Variants in PSG3 observed in about 807,000 individuals in gnomAD.
PSG3 encodes the protein pregnancy specific beta-1-glycoprotein 3.
A neutral mutation model predicts 47.5 loss-of-function variants in PSG3; 61 were observed. The observed-to-expected ratio is 1.28, with a 90% CI of 1.05 to 1.59. The LOEUF (loss-of-function observed/expected upper bound fraction) is 1.59, where lower values mean the gene tolerates loss of function less well. Among genes scored for constraint, PSG3 ranks in the 40% most tolerant of loss-of-function variants. The pLI, the probability that PSG3 is intolerant of heterozygous loss-of-function variation, is 0.00. For missense variants in PSG3, 756 were observed against 524.0 expected (o/e 1.44, Z -4.32); for synonymous variants, 263 against 198.4 (o/e 1.33, Z -2.74).
At position 42,738,275 on chromosome 19, in the gene PSG3, A is replaced by C. The variant is rs562543333; in HGVS notation, c.430+449T>G. Among the ~76,000 whole-genome samples, 3 of 152,290 alleles carry C rather than the reference A, an allele frequency of 2.0e-5. No individual in the cohort carries two copies. The South Asian group carries it at 6.2e-4, about 32-fold the overall frequency. On this transcript the variant is annotated intron_variant, in intron 2 of 6. Coordinates refer to ENST00000327495, the MANE Select transcript of PSG3 (RefSeq NM_021016.4). ...AGTAAGCCCTGCCCAAGAAGCGACA[A>C]CCCAGCCCCAGTACAGGCTCCTCAG...
intron 2 of PSG3, 72 bp from the exon 3 acceptor site, chr19:42,733,134 A>C: frequency 6.4e-7 from 1 of 1,559,700 alleles, no homozygotes; most frequent in Non-Finnish European, 8.7e-7. Flanking sequence ...TTTCAATCAG[A>C]GTTGGCATTT....
intron 1 of PSG3, 61 bp downstream of exon 1, chr19:42,740,260 A>C: frequency 1.2e-6 from 2 of 1,613,488 alleles, no homozygotes; most frequent in Non-Finnish European, 1.7e-6. Flanking sequence ...TCTCTCCAGG[A>C]GACCCCATCC....
Position 42,730,056 on chromosome 19 carries a change from G to A in PSG3, c.710C>T (p.Pro237Leu), listed in dbSNP as rs750000168. The A allele has an allele frequency of 1.9e-5, 31 of 1,611,572 alleles. No individual in the cohort carries two copies. The highest frequency in any genetic ancestry group is 2.2e-5 in the East Asian group (1 of 44,872). ...GGTGATGTAGGGCTTGGGCAGCTTC[G>A]CTGTGTGGATAACAGAGAGAAGATT... The part of the protein sequence containing the change: ...RSDPVTLNLL[P>L]KLPKPYITIN... Residue 237 changes from proline to leucine, a missense_variant and splice_region_variant, in exon 4 of 7, where the codon CCG becomes CTG. Physicochemically the swap from Pro to Leu is moderately conservative, Grantham distance 98. Transcript: ENST00000327495.
intron 5 of PSG3, among the ~76,000 whole-genome samples, chr19:42,727,864 C>A (rs1419153993): frequency 1.3e-5 from 2 of 152,104 alleles, no homozygotes; most frequent in Non-Finnish European, 2.9e-5. Flanking sequence ...AAAATGGAAA[C>A]AACTGAAAAG....
chr19:42,737,533 A>G (rs1969585948), intron 2 of PSG3, among the ~76,000 whole-genome samples: 1 of 152,110 alleles, frequency 6.6e-6, no homozygotes. Context: ...GGAGGCCTGG[A>G]CATGTTTTTT....
In PSG3 at chr19:42,729,766, A is replaced by T. The variant is rs1318576874; in HGVS notation, c.988+12T>A. On this transcript the variant is annotated intron_variant, in intron 4 of 6. Coordinates refer to ENST00000327495, the MANE Select transcript of PSG3 (RefSeq NM_021016.4). ...TGGTGTCCTGGCCCACAGAGGAACAAAAGATACTCACAGAGGACATTCAGG... is the reference window on the plus strand; with the variant it reads ...TGGTGTCCTGGCCCACAGAGGAACATAAGATACTCACAGAGGACATTCAGG... 6 of 1,611,980 alleles carry T rather than the reference A, an allele frequency of 3.7e-6. No homozygotes were observed. Among genetic ancestry groups the T allele is most frequent in the Non-Finnish European group, 5.1e-6 (6 of 1,178,992 alleles).
At chr19:42,724,133 G>A in intron 5 of PSG3, 108 bp from the exon 6 acceptor site, 1 of 1,447,674 alleles carries the variant, frequency 6.9e-7, no homozygotes, top group Non-Finnish European at 9.4e-7. Context: ...GTTTCTTCAA[G>A]GACTACGTTA....
intron 2 of PSG3, among the ~76,000 whole-genome samples, chr19:42,737,770 T>A (rs1426353722): frequency 6.6e-6 from 1 of 152,134 alleles, no homozygotes; most frequent in Non-Finnish European, 1.5e-5. Context: ...CCCCTTTGTG[T>A]TTGTGTGACT....
intron 2 of PSG3, among the ~76,000 whole-genome samples, chr19:42,737,504 G>A (rs912163732): frequency 2.0e-5 from 3 of 151,976 alleles, no homozygotes; most frequent in Non-Finnish European, 4.4e-5. Flanking sequence ...GTTCAGTGAT[G>A]GTGGTTAAGA....
intron 3 of PSG3, among the ~76,000 whole-genome samples, chr19:42,731,382 AG>A (rs1253901203): frequency 6.6e-6 from 1 of 152,216 alleles, no homozygotes; most frequent in Non-Finnish European, 1.5e-5. Context: ...AGTAGGCAAA[AG>A]TGGGAGGTGA....
intron 3 of PSG3, chr19:42,732,558 A>C (rs1458391856): frequency 1.8e-6 from 2 of 1,086,836 alleles, no homozygotes; most frequent in East Asian, 5.1e-5. Context: ...TGCCCATCAC[A>C]AGCTGTGGAC....
Position 42,738,884 on chromosome 19 carries a change from T to A in PSG3, c.270A>T (p.Ile90=), listed in dbSNP as rs771570726. 6.2e-7 allele frequency: 1 copy of A among 1,614,102 alleles called. No homozygotes were observed. Among genetic ancestry groups the A allele is most frequent in the Non-Finnish European group, 8.5e-7 (1 of 1,179,990 alleles). Residue 90 remains isoleucine (I), a synonymous_variant, in exon 2 of 7, where the codon ATA becomes ATT. Transcript: ENST00000327495. ...TSYVVDGQII[I]YGPAYSGRET... ...CTCGTCCACTGTATGCAGGCCCATA[T>A]ATAATTATTTGACCATCTACTACGT...
rs567188908 is a variant in PSG3 at position 42,738,646 on chromosome 19, A to G, written c.430+78T>C. ...TAATGCAGAGAGGGACACAGGCACA[A>G]TCCAGGCCTGACAATCCTTTGTGTG... On this transcript the variant is annotated intron_variant, in intron 2 of 6. Transcript: ENST00000327495. The G allele has an allele frequency of 8.1e-6, 13 of 1,610,872 alleles. No homozygotes were observed. The Admixed American group carries it at 1.7e-4, about 21-fold the overall frequency.
chr19:42,740,268 T>A (rs1399661461), intron 1 of PSG3, 53 bp downstream of exon 1: 2 of 1,613,552 alleles, frequency 1.2e-6, no homozygotes, highest in African/African-American at 1.3e-5. Flanking sequence ...GGAGACCCCA[T>A]CCAGTCACTC....
chr19:42,740,300 C>T (rs753274388), intron 1 of PSG3, 21 bp downstream of exon 1: 7 of 1,613,878 alleles, frequency 4.3e-6, no homozygotes, highest in Non-Finnish European at 5.9e-6. Context: ...CCTGTCCTCT[C>T]CCAGGAAGTT....
At position 42,739,086 on chromosome 19, in the gene PSG3, A is replaced by T. The variant is rs11559136; in HGVS notation, c.68T>A (p.Leu23Ter). Residue 23 changes from leucine to a stop codon, truncating the protein, a stop_gained, in exon 2 of 7, where the codon TTA becomes TAA. Transcript: ENST00000327495. LOFTEE classifies it high-confidence loss of function. ...ITWKGLLLTA[L>*]LLNFWNLPTT... ...AGGCAAGTTCCAGAAGTTTAAAAGT[A>T]ATGCTAGGAGGTGGAGAGAGCATCA... The T allele has an allele frequency of 6.4e-7, 1 of 1,567,400 alleles. No individual in the cohort carries two copies. The highest frequency in any genetic ancestry group is 1.4e-5 in the African/African-American group (1 of 73,312).
In PSG3 at chr19:42,732,815, G is replaced by A. The variant is rs1316812226; in HGVS notation, c.678C>T (p.Ser226=). Residue 226 remains serine (S), a synonymous_variant, in exon 3 of 7, where the codon AGC becomes AGT. Coordinates refer to ENST00000327495, the MANE Select transcript of PSG3 (RefSeq NM_021016.4). The part of the protein sequence containing the change: ...ECEIRNPVSA[S]RSDPVTLNLL... ...GATTCAGGGTGACTGGGTCACTGCG[G>A]CTGGCACTCACTGGGTTCCGTATTT... 1.9e-6 allele frequency: 3 copies of A among 1,614,186 alleles called. No homozygotes were observed. The highest frequency in any genetic ancestry group is 2.2e-5 in the East Asian group (1 of 44,880).
At chr19:42,739,540 C>T in intron 1 of PSG3, 1 of 172,840 alleles carries the variant, frequency 5.8e-6, no homozygotes, top group South Asian at 1.4e-4. Context: ...GCATGTCTGT[C>T]TTCCCCCCCA....
chr19:42,738,691 C>G, intron 2 of PSG3, 33 bp downstream of exon 2: 1 of 1,612,540 alleles, frequency 6.2e-7, no homozygotes, highest in Non-Finnish European at 8.5e-7. Context: ...GACCCCATCC[C>G]CCAACACCCA....
Sources: gnomAD v4.1 joint callset for allele counts (sites outside exome capture counted in the v4.1 genomes callset) on GRCh38, gnomAD v4.1.1 for gene constraint, MANE v1.5 for transcripts, NCBI Gene and HGNC (gene_info 2026-07-23, HGNC 2026-07-21) for gene names.